Variants in ZNF639 observed in about 807,000 individuals in gnomAD.
ZNF639 encodes zinc finger protein 639.
Under a neutral mutation model 39.8 loss-of-function variants are expected in ZNF639, and 20 were observed. The observed-to-expected ratio is 0.50, with a 90% confidence interval of 0.35 to 0.73. The LOEUF (loss-of-function observed/expected upper bound fraction) is 0.73, where lower values mean the gene tolerates loss of function less well. Ranked by LOEUF, ZNF639 falls within the 30% of genes least tolerant of loss-of-function variation. The probability of loss-of-function intolerance (pLI) is 0.00; values close to 1 mark genes in which losing one functional copy is unlikely to be tolerated. For synonymous variants in ZNF639, 176 were observed against 189.8 expected (o/e 0.93, Z 0.60); for missense variants, 477 against 566.2 (o/e 0.84, Z 1.60).
rs557024485 is a variant in ZNF639 at position 179,325,668 on chromosome 3, C to T, written c.-82-1893C>T. On this transcript the variant is annotated intron_variant, in intron 1 of 5. Transcript: ENST00000496856. The stretch of plus-strand genomic sequence containing the variant: ...CAGCACCTTGGGAGGCCGAGGCGGG[C>T]AGATCACGAGGTCAGGAGATCGAGA... 1.3e-4 allele frequency among the ~76,000 whole-genome samples: 20 copies of T among 151,872 alleles called. No individual in the cohort carries two copies. In the South Asian group the frequency reaches 4.0e-3, roughly 30 times the overall value.
At chr3:179,333,225 C>A in intron 5 of ZNF639, 44 bp from the exon 6 acceptor site, 1 of 1,558,926 alleles carries the variant, frequency 6.4e-7, no homozygotes, top group Non-Finnish European at 8.6e-7. Context: ...TTTAACAGAT[C>A]TTATTTAGTT....
intron 2 of ZNF639, 76 bp from the exon 3 acceptor site, chr3:179,328,206 TC>T (rs1239919903): frequency 3.7e-6 from 3 of 806,334 alleles, no homozygotes; most frequent in South Asian, 1.7e-5. Flanking sequence ...GCCAATAAAT[TC>T]TTCAGTTAGA....
intron 1 of ZNF639, among the ~76,000 whole-genome samples, chr3:179,324,550 A>G (rs71631209): frequency 0.12 from 18,700 of 152,180 alleles, 1,272 homozygotes; most frequent in Non-Finnish European, 0.16. Flanking sequence ...GGCACATAAA[A>G]ATGATTGCTA....
In ZNF639 at chr3:179,333,579, A is replaced by G. The variant is rs925308800; in HGVS notation, c.615A>G (p.Lys205=). 1.2e-6 allele frequency: 2 copies of G among 1,614,152 alleles called. No individual in the cohort carries two copies. Among genetic ancestry groups the G allele is most frequent in the African/African-American group, 2.7e-5 (2 of 75,056 alleles). Residue 205 remains lysine (K), a synonymous_variant, in exon 6 of 6, where the codon AAA becomes AAG. Transcript: ENST00000496856. ...GAGCTAATAGCAGTGGCCTCTATAAATGTGAACTTTGTGAGTTTAACAGCA... is the reference window on the plus strand; with the variant it reads ...GAGCTAATAGCAGTGGCCTCTATAAGTGTGAACTTTGTGAGTTTAACAGCA... ...LLRANSSGLY[K]CELCEFNSKY...
At chr3:179,328,469 A>C in intron 3 of ZNF639, 118 bp downstream of exon 3, 1 of 628,240 alleles carries the variant, frequency 1.6e-6, no homozygotes, top group Non-Finnish European at 2.7e-6. Context: ...TATTTAGGTA[A>C]AACAACGGTT....
In ZNF639 at chr3:179,334,179, T is replaced by C. The variant is rs777812523; in HGVS notation, c.1215T>C (p.Cys405=). The part of the protein sequence containing the change: ...IEHTKIFPHV[C]DDCGKGFSSM... Reference sequence around the variant, plus strand: ...ATACAAAAATTTTTCCTCATGTTTGTGATGACTGTGGGAAAGGCTTTTCAA... The same window carrying C: ...ATACAAAAATTTTTCCTCATGTTTGCGATGACTGTGGGAAAGGCTTTTCAA... The change falls in exon 6 of 6, where the codon TGT becomes TGC. Residue 405 remains cysteine, a synonymous_variant. Transcript: ENST00000496856. 42 of 1,614,050 alleles carry C rather than the reference T, an allele frequency of 2.6e-5. No individual in the cohort carries two copies. In the South Asian group the frequency reaches 4.1e-4, roughly 16 times the overall value.
Position 179,334,393 on chromosome 3 carries a change from A to G in ZNF639, c.1429A>G (p.Ser477Gly). The G allele has an allele frequency of 6.4e-7, 1 of 1,571,806 alleles. No homozygotes were observed. Among genetic ancestry groups the G allele is most frequent in the Non-Finnish European group, 8.6e-7 (1 of 1,160,244 alleles). ...GTTTGGAAATGAAAGGGAATTAATAAGTCACCTTCCAGTCCATGAGACAAC... is the reference window on the plus strand; with the variant it reads ...GTTTGGAAATGAAAGGGAATTAATAGGTCACCTTCCAGTCCATGAGACAAC... ...MRFGNERELI[S>G]HLPVHETT Residue 477 changes from serine to glycine, a missense_variant, in exon 6 of 6, where the codon AGT becomes GGT. Transcript: ENST00000496856.
At position 179,336,260 on chromosome 3, in the gene ZNF639, G is replaced by T. The variant is rs189242961; in HGVS notation, c.*1838G>T. 1.0e-3 allele frequency: 152 copies of T among 152,306 alleles called. No individual in the cohort carries two copies. Among genetic ancestry groups the T allele is most frequent in the African/African-American group, 3.5e-3 (145 of 41,550 alleles). The allele number at this position is 152,306 out of a possible 1,614,324, so 9.4% of individuals were successfully genotyped here. On this transcript the variant is annotated 3_prime_UTR_variant, in exon 6 of 6. Transcript: ENST00000496856. Reference sequence around the variant, plus strand: ...GGAGGGAACACAATTGAGTAGCAGAGTCTGAAACAGCACTATAAAGAAGAT... The same window carrying T: ...GGAGGGAACACAATTGAGTAGCAGATTCTGAAACAGCACTATAAAGAAGAT...
At chr3:179,328,224 A>T in intron 2 of ZNF639, 59 bp from the exon 3 acceptor site, 2 of 977,816 alleles carry the variant, frequency 2.0e-6, no homozygotes, top group East Asian at 2.5e-5. Context: ...TAGAATTTTT[A>T]TAACGTCATT....
In ZNF639 at chr3:179,329,969, G is replaced by A. The variant is rs191422788; in HGVS notation, c.169+241G>A. The A allele has an allele frequency of 5.1e-5, 12 of 236,120 alleles. 2 individuals carry two copies. Among genetic ancestry groups the A allele is most frequent in the East Asian group, 1.1e-4 (1 of 9,290 alleles). 14.6% of individuals were successfully genotyped at this position (236,120 alleles called of 1,614,324 possible). A position where few individuals can be genotyped will look rare whatever the true frequency, so the allele number is the denominator to read the frequency against. ...GCTTTGTCGCCCAGGCTGGAGTGCA[G>A]CAGCGCGATCTTGGCTCACTGCAAC... On this transcript the variant is annotated intron_variant, in intron 4 of 5. Coordinates refer to ENST00000496856, the MANE Select transcript of ZNF639 (RefSeq NM_001303426.2).
intron 1 of ZNF639, chr3:179,325,448 A>C (rs1219357340): frequency 6.6e-6 from 1 of 152,214 alleles, no homozygotes; most frequent in South Asian, 2.1e-4. Context: ...ATGCATTTTC[A>C]TCTCTGGTTC....
chr3:179,333,515 C>A lies in ZNF639; in HGVS notation c.551C>A (p.Ala184Asp). ...KLCKILDKSQALNVTAQQKWP... is the reference protein window; with the variant it reads ...KLCKILDKSQDLNVTAQQKWP... ...TGTAAAATTCTTGACAAGAGCCAAG[C>A]TTTGAATGTGACTGCCCAGCAGAAA... The change falls in exon 6 of 6, where the codon GCT becomes GAT. Residue 184 changes from alanine (A) to aspartate (D), a missense_variant. Physicochemically the swap from Ala to Asp is moderately radical, Grantham distance 126. Coordinates refer to ENST00000496856, the MANE Select transcript of ZNF639 (RefSeq NM_001303426.2). 1 of 1,614,150 alleles carries A rather than the reference C, an allele frequency of 6.2e-7. No individual in the cohort carries two copies. Among genetic ancestry groups the A allele is most frequent in the African/African-American group, 1.3e-5 (1 of 75,040 alleles).
chr3:179,330,459 ATT>A (rs1327749423), intron 4 of ZNF639, among the ~76,000 whole-genome samples: 1 of 151,858 alleles, frequency 6.6e-6, no homozygotes, highest in Admixed American at 6.6e-5. Flanking sequence ...ATTTTTAAAA[ATT>A]TTTTTGTAAA....
rs1036580503 is a variant in ZNF639 at position 179,323,052 on chromosome 3, G to C, written c.-322G>C. 22 of 984,988 alleles carry C rather than the reference G, an allele frequency of 2.2e-5. No homozygotes were observed. In the African/African-American group the frequency reaches 3.3e-4, roughly 15 times the overall value. 61.0% of individuals were successfully genotyped at this position (984,988 alleles called of 1,614,324 possible). A position where few individuals can be genotyped will look rare whatever the true frequency, so the allele number is the denominator to read the frequency against. ...CCCTGAGGTGCGCGGCGCAGGCGCGGAGCGTGGCGGCCAGGGCAGTGCGGC... is the reference window on the plus strand; with the variant it reads ...CCCTGAGGTGCGCGGCGCAGGCGCGCAGCGTGGCGGCCAGGGCAGTGCGGC... On this transcript the variant is annotated 5_prime_UTR_variant, in exon 1 of 6. Coordinates refer to ENST00000496856, the MANE Select transcript of ZNF639 (RefSeq NM_001303426.2).
rs1157992173 is a variant in ZNF639 at position 179,335,103 on chromosome 3, A to T, written c.*681A>T. 1 of 152,106 alleles carries T rather than the reference A, an allele frequency of 6.6e-6. No homozygotes were observed. The highest frequency in any genetic ancestry group is 1.9e-4 in the East Asian group (1 of 5,188). 9.4% of individuals were successfully genotyped at this position (152,106 alleles called of 1,614,324 possible). On this transcript the variant is annotated 3_prime_UTR_variant, in exon 6 of 6. Coordinates refer to ENST00000496856, the MANE Select transcript of ZNF639 (RefSeq NM_001303426.2). Reference sequence around the variant, plus strand: ...CCATAAATTCATTCACAGACTTAATATTTTTTTCTTAGAGATGGTCTCGTT... The same window carrying T: ...CCATAAATTCATTCACAGACTTAATTTTTTTTTCTTAGAGATGGTCTCGTT...
intron 3 of ZNF639, among the ~76,000 whole-genome samples, chr3:179,329,133 A>G (rs1576989539): frequency 6.6e-6 from 1 of 152,064 alleles, no homozygotes; most frequent in African/African-American, 2.4e-5. Context: ...CTATTAGTCT[A>G]CCCAGCCTAC....
rs764383885 is a variant in ZNF639, at chr3:179,333,985, G to C, written c.1021G>C (p.Ala341Pro). The C allele has an allele frequency of 6.2e-7, 1 of 1,614,036 alleles. No homozygotes were observed. The highest frequency in any genetic ancestry group is 8.5e-7 in the Non-Finnish European group (1 of 1,180,032). Residue 341 changes from alanine (A) to proline (P), a missense_variant, in exon 6 of 6, where the codon GCA becomes CCA. Ala to Pro is a conservative substitution (Grantham distance 27). Coordinates refer to ENST00000496856, the MANE Select transcript of ZNF639 (RefSeq NM_001303426.2). ...GCATAGCCATGTGGTAAATGAGCAT[G>C]CATGTAAATTAATAGAGTTAAGTGA... The part of the protein sequence containing the change: ...DLHSHVVNEH[A>P]CKLIELSDKY...
chr3:179,328,636 T>A (rs531119583), intron 3 of ZNF639, among the ~76,000 whole-genome samples: 5 of 152,338 alleles, frequency 3.3e-5, no homozygotes, highest in African/African-American at 1.2e-4. Flanking sequence ...ATAATTGGGA[T>A]TTGCATGTCT....
Position 179,333,237 on chromosome 3 carries a change from T to C in ZNF639, c.305-32T>C, listed in dbSNP as rs369271797. ...GTATTTAACAGATCTTATTTAGTTA[T>C]AGTCATATAATAGGTTTGTTTTATT... On this transcript the variant is annotated intron_variant, in intron 5 of 5. Transcript: ENST00000496856. The C allele has an allele frequency of 5.7e-5, 89 of 1,570,302 alleles. No homozygotes were observed. In the African/African-American group the frequency reaches 1.0e-3, roughly 18 times the overall value.
Sources: gnomAD v4.1 joint callset for allele counts (sites outside exome capture counted in the v4.1 genomes callset) on GRCh38, gnomAD v4.1.1 for gene constraint, MANE v1.5 for transcripts, NCBI Gene and HGNC (gene_info 2026-07-23, HGNC 2026-07-21) for gene names.